Variants in SLC12A1 observed in about 807,000 individuals in gnomAD.
The protein encoded by SLC12A1 is Na-K-2Cl cotransporter.
SLC12A1 carries 89 observed loss-of-function variants against 130.4 expected under a neutral mutation model. That is an observed-to-expected ratio of 0.68 (90% CI 0.58 to 0.81). The LOEUF (loss-of-function observed/expected upper bound fraction) is 0.81, where lower values mean the gene tolerates loss of function less well. Ranked by LOEUF, SLC12A1 falls within the 40% of genes least tolerant of loss-of-function variation. The pLI is 0.00. For synonymous variants in SLC12A1, 499 were observed against 460.0 expected, an observed-to-expected ratio of 1.08 and a Z score of -1.09; for missense variants, 1,310 against 1,336.4, an observed-to-expected ratio of 0.98 and a Z score of 0.31.
intron 2 of SLC12A1, among the ~76,000 whole-genome samples, chr15:48,208,431 A>ACCTCCTGACCTCAAC (rs1220576603): frequency 6.6e-6 from 1 of 151,586 alleles, no homozygotes; most frequent in Non-Finnish European, 1.5e-5. Context: ...TCCCACCTCA[A>ACCTCCTGACCTCAAC]CCTCCTGAGT....
chr15:48,260,671 C>T (rs186131517), intron 17 of SLC12A1, among the ~76,000 whole-genome samples: 1 of 152,118 alleles, frequency 6.6e-6, no homozygotes, highest in Non-Finnish European at 1.5e-5. Flanking sequence ...GAGGAGAAAG[C>T]CTTAGCACAC....
In SLC12A1 at chr15:48,267,717, G is replaced by C; in HGVS notation, c.2295+16G>C. On this transcript the variant is annotated intron_variant, in intron 18 of 26. Coordinates refer to ENST00000380993, the MANE Select transcript of SLC12A1 (RefSeq NM_000338.3). ...TCTTCTTCAGGTAAGGCTGCATTGA[G>C]GGAATGAGCACAGAGGCAAAAGACA... The C allele has an allele frequency of 6.2e-7, 1 of 1,612,634 alleles. No homozygotes were observed. Among genetic ancestry groups the C allele is most frequent in the Non-Finnish European group, 8.5e-7 (1 of 1,179,028 alleles).
rs148722697 is a variant in SLC12A1, at chr15:48,234,157, T to A, written c.1088-720T>A. ...AGGCATAGAAAACCAGTGTGTTGAT[T>A]GTTTATGGTATTTATGCATGTGAGA... On this transcript the variant is annotated intron_variant, in intron 8 of 26. Coordinates refer to ENST00000380993, the MANE Select transcript of SLC12A1 (RefSeq NM_000338.3). 2.6e-5 allele frequency among the ~76,000 whole-genome samples: 4 copies of A among 152,246 alleles called. No homozygotes were observed. The East Asian group carries it at 7.7e-4, about 29-fold the overall frequency.
intron 20 of SLC12A1, 40 bp downstream of exon 20, chr15:48,274,693 G>A (rs763619967): frequency 1.1e-5 from 15 of 1,398,236 alleles, no homozygotes; most frequent in Non-Finnish European, 1.5e-5. Flanking sequence ...TATTTATTGA[G>A]CACCTACTTT....
At chr15:48,252,963 A>C (rs183084506) in intron 15 of SLC12A1, among the ~76,000 whole-genome samples, 1 of 152,188 alleles carries the variant, frequency 6.6e-6, no homozygotes, top group Non-Finnish European at 1.5e-5. Flanking sequence ...TGTTGTGAGC[A>C]ATAGGAAGAT....
At chr15:48,206,982 A>C (rs1432483129) in intron 1 of SLC12A1, among the ~76,000 whole-genome samples, 2 of 152,170 alleles carry the variant, frequency 1.3e-5, no homozygotes, top group African/African-American at 4.8e-5. Flanking sequence ...GTATTTTTTA[A>C]ATGCATATTC....
intron 5 of SLC12A1, chr15:48,227,309 C>T (rs914692292): frequency 7.3e-6 from 5 of 686,966 alleles, no homozygotes; most frequent in African/African-American, 7.2e-5. Context: ...AAAATTTAAA[C>T]AGCAAAGCAA....
intron 9 of SLC12A1, among the ~76,000 whole-genome samples, chr15:48,240,472 G>T (rs2041503654): frequency 6.6e-6 from 1 of 152,154 alleles, no homozygotes; most frequent in Non-Finnish European, 1.5e-5. Context: ...CTGCCATGTG[G>T]GGCAGGTTTG....
chr15:48,242,667 C>T (rs753343968), intron 10 of SLC12A1, among the ~76,000 whole-genome samples: 4 of 151,964 alleles, frequency 2.6e-5, no homozygotes, highest in Non-Finnish European at 5.9e-5. Flanking sequence ...CCGGGCGTGG[C>T]GGCACACACC....
chr15:48,233,140 T>C (rs1264055844), intron 8 of SLC12A1, among the ~76,000 whole-genome samples: 1 of 152,200 alleles, frequency 6.6e-6, no homozygotes, highest in Admixed American at 6.5e-5. Flanking sequence ...GATAGTACAT[T>C]TCTCCAGGAA....
chr15:48,266,154 A>T (rs7175688), intron 17 of SLC12A1, among the ~76,000 whole-genome samples: 1,844 of 152,254 alleles, frequency 0.012, 42 homozygotes, highest in African/African-American at 0.042. Flanking sequence ...ATCAATGTAG[A>T]ACATACCTCA....
At chr15:48,238,608 G>A (rs1033917346) in intron 9 of SLC12A1, among the ~76,000 whole-genome samples, 12 of 152,290 alleles carry the variant, frequency 7.9e-5, no homozygotes, top group Admixed American at 7.2e-4. Flanking sequence ...GTTCTGGGAG[G>A]TGACAATATG....
In SLC12A1 at chr15:48,207,743, T is replaced by A; in HGVS notation, c.24T>A (p.Asn8Lys). The A allele has an allele frequency of 6.3e-7, 1 of 1,589,728 alleles. No individual in the cohort carries two copies. Among genetic ancestry groups the A allele is most frequent in the Non-Finnish European group, 8.6e-7 (1 of 1,167,942 alleles). ...AGATGTCACTGAACAACTCTTCCAA[T>A]GTATTTCTGGATTCAGTGCCCAGTA... MSLNNSS[N>K]VFLDSVPSNT... is the part of the protein sequence containing the mutation. Residue 8 changes from asparagine (N) to lysine (K), a missense_variant, in exon 2 of 27, where the codon AAT becomes AAA. Physicochemically the swap from Asn to Lys is moderately conservative, Grantham distance 94 (BLOSUM62 0). Transcript: ENST00000380993.
intron 11 of SLC12A1, among the ~76,000 whole-genome samples, chr15:48,246,026 G>T (rs1198988806): frequency 6.6e-6 from 1 of 152,202 alleles, no homozygotes; most frequent in African/African-American, 2.4e-5. Context: ...CATGATTGGT[G>T]AGCAGAGGGA....
In SLC12A1 at chr15:48,249,731, TA is replaced by T. The variant is rs1205706979; in HGVS notation, c.1786+59del. On this transcript the variant is annotated intron_variant, in intron 14 of 26. Coordinates refer to ENST00000380993, the MANE Select transcript of SLC12A1 (RefSeq NM_000338.3). ...TAAGCAAACAGTTAGTTTGTCTCAA[TA>T]AAACGAAATAAATCAGTGAAAAGTG... The T allele has an allele frequency of 8.1e-6, 10 of 1,227,040 alleles. No homozygotes were observed. The African/African-American group carries it at 1.5e-4, about 18-fold the overall frequency. The allele number at this position is 1,227,040 out of a possible 1,614,324, so 76.0% of individuals were successfully genotyped here.
At position 48,207,943 on chromosome 15, in the gene SLC12A1, A is replaced by G. The variant is rs745886395; in HGVS notation, c.224A>G (p.Gln75Arg). Reference protein sequence around the residue: ...GNQECYDNFLQSGETAKTDAS... With the variant: ...GNQECYDNFLRSGETAKTDAS... Reference sequence around the variant, plus strand: ...CAGGAGTGCTATGACAATTTCCTCCAAAGTGGAGAAACTGCTAAAACAGAT... The same window carrying G: ...CAGGAGTGCTATGACAATTTCCTCCGAAGTGGAGAAACTGCTAAAACAGAT... The change falls in exon 2 of 27, where the codon CAA becomes CGA. Residue 75 changes from glutamine to arginine, a missense_variant. By Grantham distance (43) the Gln-to-Arg change is conservative. Coordinates refer to ENST00000380993, the MANE Select transcript of SLC12A1 (RefSeq NM_000338.3). 8.8e-5 allele frequency: 142 copies of G among 1,613,922 alleles called. No individual in the cohort carries two copies. Among genetic ancestry groups the G allele is most frequent in the African/African-American group, 2.7e-5 (2 of 74,930 alleles).
At chr15:48,291,644 C>T (rs1193386333) in intron 23 of SLC12A1, 134 bp from the exon 24 acceptor site, 2 of 653,652 alleles carry the variant, frequency 3.1e-6, no homozygotes, top group African/African-American at 1.8e-5. Context: ...CAAACACCAA[C>T]CAAAAAGCCT....
intron 20 of SLC12A1, among the ~76,000 whole-genome samples, chr15:48,282,262 A>G (rs1388270687): frequency 6.6e-6 from 1 of 152,176 alleles, no homozygotes; most frequent in Non-Finnish European, 1.5e-5. Context: ...CATCTAAAGC[A>G]TTCGAGCAAA....
Position 48,255,824 on chromosome 15 carries a change from C to A in SLC12A1, c.1956C>A (p.Gly652=). The A allele has an allele frequency of 1.2e-6, 2 of 1,604,882 alleles. No homozygotes were observed. Among genetic ancestry groups the A allele is most frequent in the Non-Finnish European group, 8.5e-7 (1 of 1,174,736 alleles). ...CTTTATCCACAGATGTGAACTGGGGCTCCTCCACACAGGCTCTTTCCTACG... is the reference window on the plus strand; with the variant it reads ...CTTTATCCACAGATGTGAACTGGGGATCCTCCACACAGGCTCTTTCCTACG... ...VTCKKPDVNW[G]SSTQALSYVS... The change falls in exon 16 of 27, where the codon GGC becomes GGA. Residue 652 remains glycine, a synonymous_variant. Transcript: ENST00000380993.
Sources: allele counts gnomAD v4.1 joint callset (sites outside exome capture counted in the v4.1 genomes callset), GRCh38; gene constraint gnomAD v4.1.1; transcripts MANE v1.5; gene names NCBI Gene and HGNC (gene_info 2026-07-23, HGNC 2026-07-21).